Variants in CCDC77 observed in about 807,000 individuals in gnomAD.
CCDC77 encodes coiled-coil domain containing 77, also known as coiled-coil domain-containing protein 77.
In CCDC77, 56 loss-of-function variants were observed where a neutral mutation model predicts 66.8. That is an observed-to-expected ratio of 0.84 (90% CI 0.68 to 1.05). The LOEUF is 1.05. Ranked by LOEUF, CCDC77 falls within the 50% of genes least tolerant of loss-of-function variation. CCDC77 has a pLI of 0.00. For missense variants in CCDC77, 570 were observed against 576.8 expected (o/e 0.99, Z 0.12); for synonymous variants, 196 against 195.2 (o/e 1.00, Z -0.03).
chr12:392,898 A>G (rs935171426), intron 1 of CCDC77, among the ~76,000 whole-genome samples: 2 of 152,050 alleles, frequency 1.3e-5, no homozygotes, highest in Non-Finnish European at 2.9e-5. Flanking sequence ...TTTAAAAATA[A>G]TAACTATATT....
At chr12:397,515 C>T (rs899618480), upstream of CCDC77, among the ~76,000 whole-genome samples, 21 of 152,028 alleles carry the variant, frequency 1.4e-4, no homozygotes, top group African/African-American at 4.8e-4. Flanking sequence ...TGAATATCAC[C>T]ATAAAGCAAA....
chr12:405,021 C>T (rs982092882), intron 1 of CCDC77, among the ~76,000 whole-genome samples: 9 of 152,262 alleles, frequency 5.9e-5, no homozygotes, highest in East Asian at 1.9e-4. Flanking sequence ...TGTGCCCAGC[C>T]GCTTCAAATT....
Position 411,783 on chromosome 12 carries a change from T to C in CCDC77, c.75T>C (p.Ser25=), listed in dbSNP as rs1308558565. 1.9e-6 allele frequency: 3 copies of C among 1,613,946 alleles called. No individual in the cohort carries two copies. Among genetic ancestry groups the C allele is most frequent in the Middle Eastern group, 1.6e-4 (1 of 6,082 alleles). Residue 25 remains serine (S), a synonymous_variant, in exon 4 of 13, where the codon AGT becomes AGC. Transcript: ENST00000239830. The part of the protein sequence containing the change: ...TVVSKRGVAV[S]GPTKRRGMAD... ...TCTCCAAACGTGGTGTTGCCGTCAG[T>C]GGTCCCACCAAGAGGAGGGGAATGG... is the stretch of plus-strand genomic sequence containing the variant.
At chr12:407,959 T>C (rs1945029602) in intron 2 of CCDC77, among the ~76,000 whole-genome samples, 1 of 151,988 alleles carries the variant, frequency 6.6e-6, no homozygotes, top group African/African-American at 2.4e-5. Context: ...GGCTAATTTT[T>C]TGCATTTTTA....
At chr12:389,582 G>A (rs957327429) in intron 1 of CCDC77, 2 of 265,660 alleles carry the variant, frequency 7.5e-6, no homozygotes, top group East Asian at 9.4e-5. Context: ...AACGAGGCGG[G>A]GCGAGGCGCG....
At chr12:406,436 G>A (rs1032039661) in intron 2 of CCDC77, among the ~76,000 whole-genome samples, 3 of 152,170 alleles carry the variant, frequency 2.0e-5, no homozygotes, top group African/African-American at 4.8e-5. Flanking sequence ...CCAAGAGGCC[G>A]GTGTTTTTAC....
intron 3 of CCDC77, among the ~76,000 whole-genome samples, chr12:411,268 G>C (rs943992020): frequency 6.6e-6 from 1 of 151,774 alleles, no homozygotes; most frequent in African/African-American, 2.4e-5. Flanking sequence ...CTGCCTCCCA[G>C]GTTCAAGCGA....
chr12:432,012 TCA>T (rs1044779575), intron 8 of CCDC77, 58 bp downstream of exon 8: 7 of 951,938 alleles, frequency 7.4e-6, no homozygotes, highest in Non-Finnish European at 6.8e-6. Flanking sequence ...CAGCTCTATG[TCA>T]CATACCCTCA....
At chr12:438,060 G>T (rs542939141) in intron 9 of CCDC77, among the ~76,000 whole-genome samples, 10 of 152,212 alleles carry the variant, frequency 6.6e-5, no homozygotes, top group African/African-American at 2.4e-4. Flanking sequence ...AAATATCCCT[G>T]TAGTCCTTCT....
chr12:440,027 A>G (rs1945830945), intron 10 of CCDC77, among the ~76,000 whole-genome samples: 2 of 152,176 alleles, frequency 1.3e-5, no homozygotes, highest in Admixed American at 6.5e-5. Context: ...AGTATGTTCA[A>G]GGAAATGGAA....
At chr12:412,877 C>A (rs566904106) in intron 4 of CCDC77, among the ~76,000 whole-genome samples, 2 of 152,294 alleles carry the variant, frequency 1.3e-5, no homozygotes, top group African/African-American at 4.8e-5. Flanking sequence ...TTTCTGCCAT[C>A]TGCACACCGT....
At chr12:423,909 T>C (rs1945482929) in intron 5 of CCDC77, among the ~76,000 whole-genome samples, 1 of 152,222 alleles carries the variant, frequency 6.6e-6, no homozygotes, top group South Asian at 2.1e-4. Context: ...TTTATATATC[T>C]TCTTTGGAGA....
Position 408,697 on chromosome 12 carries a change from T to C in CCDC77, c.-16-671T>C, listed in dbSNP as rs1386177472. On this transcript the variant is annotated intron_variant, in intron 2 of 12. Transcript: ENST00000239830. Reference sequence around the variant, plus strand: ...TACTGTTTCTTGCTTATTAGAGACTTTTCTGCATCTTCTCCTCCTATCCTA... The same window carrying C: ...TACTGTTTCTTGCTTATTAGAGACTCTTCTGCATCTTCTCCTCCTATCCTA... 2.0e-5 allele frequency among the ~76,000 whole-genome samples: 3 copies of C among 152,148 alleles called. No individual in the cohort carries two copies. The East Asian group carries it at 5.8e-4, about 29-fold the overall frequency.
chr12:430,882 C>T, intron 7 of CCDC77, 146 bp downstream of exon 7: 3 of 623,996 alleles, frequency 4.8e-6, no homozygotes, highest in Non-Finnish European at 8.7e-6. Context: ...AGTTCGAGAC[C>T]AGCCTGGCCA....
chr12:389,506 C>T (rs1035525661), intron 1 of CCDC77: 5 of 277,724 alleles, frequency 1.8e-5, no homozygotes, highest in African/African-American at 1.2e-4. Context: ...CGGGGAGGGG[C>T]ACAAGCTCTT....
rs1309603806 is a variant in CCDC77, at chr12:416,357, G to GTATATATA, written c.271-2136_271-2135insATATATAT. ...TGGGTGTGTGGGGGTGTGTGTGTGT[G>GTATATATA]TGTGTGTGTGTGTGTGTGTGTATAT... is the stretch of plus-strand genomic sequence containing the variant. On this transcript the variant is annotated intron_variant, in intron 4 of 12. Transcript: ENST00000239830. Among the ~76,000 whole-genome samples, 76 of 39,822 alleles carry GTATATATA rather than the reference G, an allele frequency of 1.9e-3. 3 individuals carry two copies. Among genetic ancestry groups the GTATATATA allele is most frequent in the African/African-American group, 2.4e-3 (22 of 9,282 alleles). The allele number at this position is 39,822 out of a possible 152,430, so 26.1% of individuals were successfully genotyped here.
intron 1 of CCDC77, among the ~76,000 whole-genome samples, chr12:404,769 C>G (rs937679624): frequency 4.7e-5 from 7 of 148,150 alleles, no homozygotes; most frequent in African/African-American, 2.5e-5. Flanking sequence ...GTTGCCCAGG[C>G]TGGAGTGTAA....
At chr12:389,571 C>CGAGGCGGGGCGAGGCGG (rs57308009) in intron 1 of CCDC77, 76,063 of 223,682 alleles carry the variant, frequency 0.34, 17,126 homozygotes, top group African/African-American at 0.55. Flanking sequence ...GGGCGAGGCG[C>CGAGGCGGGGCGAGGCGG]AACGAGGCGG....
intron 4 of CCDC77, among the ~76,000 whole-genome samples, chr12:413,971 C>T (rs921688960): frequency 6.6e-6 from 1 of 151,722 alleles, no homozygotes; most frequent in African/African-American, 2.4e-5. Flanking sequence ...CTTGCCATGC[C>T]ACTAAAACCG....
Sources: gnomAD v4.1 joint callset for allele counts (sites outside exome capture counted in the v4.1 genomes callset) on GRCh38, gnomAD v4.1.1 for gene constraint, MANE v1.5 for transcripts, NCBI Gene and HGNC (gene_info 2026-07-23, HGNC 2026-07-21) for gene names.